RPTOR: variants seen among roughly 807,000 people sequenced by gnomAD.
The protein encoded by RPTOR is regulatory associated protein of MTOR complex 1.
A neutral mutation model predicts 169.9 loss-of-function variants in RPTOR; 21 were observed. The observed-to-expected ratio is 0.12, with a 90% CI of 0.09 to 0.18. The LOEUF (loss-of-function observed/expected upper bound fraction) is 0.18, where lower values mean the gene tolerates loss of function less well. RPTOR is among the 10% of genes least tolerant of loss of function. RPTOR has a pLI of 1.00. For missense variants in RPTOR, 1,133 were observed against 1,855.9 expected (o/e 0.61, Z 7.16); for synonymous variants, 732 against 753.2 (o/e 0.97, Z 0.46).
In RPTOR at chr17:80,657,693, G is replaced by A. The variant is rs532024275; in HGVS notation, c.348+13883G>A. ...GTCTGGAGATGCAGCCAGGACTGTA[G>A]ATTCCCAGGGGAGGGCTGACTTACT... On this transcript the variant is annotated intron_variant, in intron 3 of 33. Coordinates refer to ENST00000306801, the MANE Select transcript of RPTOR (RefSeq NM_020761.3). Among the ~76,000 whole-genome samples the A allele has an allele frequency of 1.8e-4, 27 of 152,322 alleles. 1 individual carries two copies. The South Asian group carries it at 2.5e-3, about 14-fold the overall frequency.
At chr17:80,629,912 T>C (rs1241793413) in intron 2 of RPTOR, among the ~76,000 whole-genome samples, 2 of 152,258 alleles carry the variant, frequency 1.3e-5, no homozygotes, top group Non-Finnish European at 2.9e-5. Context: ...CTGTTGGACA[T>C]TGTACTGCAG....
intron 3 of RPTOR, among the ~76,000 whole-genome samples, chr17:80,647,717 G>A (rs1275272986): frequency 6.6e-6 from 1 of 152,214 alleles, no homozygotes; most frequent in Non-Finnish European, 1.5e-5. Flanking sequence ...GTGTCTAGGG[G>A]AGGAGGCGGA....
At chr17:80,725,441 T>C (rs1019487678) in intron 4 of RPTOR, among the ~76,000 whole-genome samples, 2 of 152,250 alleles carry the variant, frequency 1.3e-5, no homozygotes, top group Non-Finnish European at 1.5e-5. Context: ...TCTGTACTTT[T>C]AGTTTTGGAT....
chr17:80,618,660 C>G (rs1289540775), intron 1 of RPTOR, among the ~76,000 whole-genome samples: 1 of 152,104 alleles, frequency 6.6e-6, no homozygotes. Context: ...CAGAATTTGG[C>G]CTAAAAAAAG....
At chr17:80,934,018 A>C (rs558088081) in intron 24 of RPTOR, among the ~76,000 whole-genome samples, 4 of 151,176 alleles carry the variant, frequency 2.6e-5, no homozygotes, top group South Asian at 4.2e-4. Flanking sequence ...ACCTTCCATC[A>C]CTACTTTATG....
At chr17:80,808,132 C>CAA (rs35162861) in intron 7 of RPTOR, among the ~76,000 whole-genome samples, 2,379 of 147,518 alleles carry the variant, frequency 0.016, 74 homozygotes, top group African/African-American at 0.055. Context: ...CTATCTCTAC[C>CAA]AAAAAAAAAA....
chr17:80,896,480 ACGGCCGCACCGACACACCC>A (rs750306181), intron 20 of RPTOR, among the ~76,000 whole-genome samples: 3,063 of 134,388 alleles, frequency 0.023, 500 homozygotes, highest in African/African-American at 0.038. Flanking sequence ...GACACATCCC[ACGGCCGCACCGACACACCC>A]CACGGCCGCA....
intron 21 of RPTOR, chr17:80,909,896 CTAGT>C (rs1198045099): frequency 6.6e-6 from 1 of 152,154 alleles, no homozygotes; most frequent in African/African-American, 2.4e-5. Flanking sequence ...TCTTCTCATC[CTAGT>C]TTCTTAAGGT....
At chr17:80,718,917 C>T (rs1433933116) in intron 4 of RPTOR, among the ~76,000 whole-genome samples, 2 of 152,126 alleles carry the variant, frequency 1.3e-5, no homozygotes, top group African/African-American at 4.8e-5. Context: ...AGAAGGCCGT[C>T]GTATACAAGA....
intron 7 of RPTOR, among the ~76,000 whole-genome samples, chr17:80,816,607 A>G (rs927529346): frequency 6.6e-6 from 1 of 152,182 alleles, no homozygotes; most frequent in Non-Finnish European, 1.5e-5. Flanking sequence ...GAGGTCACTA[A>G]GGGAGGAGCC....
chr17:80,731,648 G>A (rs982991382), intron 5 of RPTOR, among the ~76,000 whole-genome samples: 4 of 152,218 alleles, frequency 2.6e-5, no homozygotes, highest in Non-Finnish European at 4.4e-5. Context: ...AAGAGTGTCA[G>A]AATGAAATAT....
Position 80,854,587 on chromosome 17 carries a change from A to G in RPTOR, c.1315-877A>G, listed in dbSNP as rs1018903990. On this transcript the variant is annotated intron_variant, in intron 11 of 33. Coordinates refer to ENST00000306801, the MANE Select transcript of RPTOR (RefSeq NM_020761.3). Reference sequence around the variant, plus strand: ...TGTACCCATTAGGATATTGATCACAATCTTCTTTATCAGAGCAGCATTTTG... The same window carrying G: ...TGTACCCATTAGGATATTGATCACAGTCTTCTTTATCAGAGCAGCATTTTG... Among the ~76,000 whole-genome samples, 8 of 152,336 alleles carry G rather than the reference A, an allele frequency of 5.3e-5. No homozygotes were observed. In the South Asian group the frequency reaches 1.2e-3, roughly 24 times the overall value.
At chr17:80,572,667 G>A (rs917677602) in intron 1 of RPTOR, among the ~76,000 whole-genome samples, 1 of 152,124 alleles carries the variant, frequency 6.6e-6, no homozygotes, top group East Asian at 1.9e-4. Flanking sequence ...CCAGGCTGCA[G>A]TGAGTCGAGA....
intron 2 of RPTOR, among the ~76,000 whole-genome samples, chr17:80,631,082 T>C (rs959259817): frequency 6.6e-6 from 1 of 152,004 alleles, no homozygotes; most frequent in African/African-American, 2.4e-5. Context: ...ATCCCAGGAG[T>C]AGGCTGTTTT....
In RPTOR at chr17:80,965,701, G is replaced by A. The variant is rs1004615841; in HGVS notation, c.*1371G>A. ...TGCCGTGGCCAAGAGCATCTTCTGG[G>A]TGGATGGAACCCTGCCTGGTCACAT... is the stretch of plus-strand genomic sequence containing the variant. On this transcript the variant is annotated 3_prime_UTR_variant, in exon 34 of 34. Coordinates refer to ENST00000306801, the MANE Select transcript of RPTOR (RefSeq NM_020761.3). 2 of 233,254 alleles carry A rather than the reference G, an allele frequency of 8.6e-6. No homozygotes were observed. The highest frequency in any genetic ancestry group is 6.0e-5 in the East Asian group (1 of 16,604). The allele number at this position is 233,254 out of a possible 1,614,324, so 14.4% of individuals were successfully genotyped here.
In RPTOR at chr17:80,962,982, C is replaced by T. The variant is rs764921496; in HGVS notation, c.3864C>T (p.Asn1288=). 1 of 1,613,508 alleles carries T rather than the reference C, an allele frequency of 6.2e-7. No individual in the cohort carries two copies. Among genetic ancestry groups the T allele is most frequent in the Non-Finnish European group, 8.5e-7 (1 of 1,179,912 alleles). ...ACAACAGCAGCGGAGAGCTCATCAA[C>T]AACATCAAGTACTACGACGGCTTCA... ...AIYNSSGELI[N]NIKYYDGFMG... Residue 1288 remains asparagine (N), a synonymous_variant, in exon 33 of 34, where the codon AAC becomes AAT. Transcript: ENST00000306801.
At chr17:80,893,922 C>T in intron 20 of RPTOR, 57 bp downstream of exon 20, 4 of 1,470,966 alleles carry the variant, frequency 2.7e-6, no homozygotes, top group Non-Finnish European at 2.7e-6. Flanking sequence ...CCTCCCCACA[C>T]AGAGCAGCAC....
chr17:80,795,542 G>C (rs2067092245), intron 7 of RPTOR, among the ~76,000 whole-genome samples: 1 of 152,082 alleles, frequency 6.6e-6, no homozygotes, highest in African/African-American at 2.4e-5. Flanking sequence ...TGCTATGAAG[G>C]TGGCTAAATG....
At chr17:80,628,216 T>A (rs1402216667) in intron 2 of RPTOR, among the ~76,000 whole-genome samples, 1 of 152,234 alleles carries the variant, frequency 6.6e-6, no homozygotes, top group African/African-American at 2.4e-5. Context: ...ATGTCTTTTA[T>A]ATTTACCTTC....
Sources: gnomAD v4.1 joint callset for allele counts (sites outside exome capture counted in the v4.1 genomes callset) on GRCh38, gnomAD v4.1.1 for gene constraint, MANE v1.5 for transcripts, NCBI Gene and HGNC (gene_info 2026-07-23, HGNC 2026-07-21) for gene names.